The following OR52N4 variants were observed in gnomAD, a reference collection of about 807,000 sequenced individuals.
OR52N4 encodes the protein olfactory receptor 52N4.
In OR52N4, 15 loss-of-function variants were observed where a neutral mutation model predicts 15.0. The ratio of observed to expected loss-of-function variants is 1.00; its 90% CI spans 0.67 to 1.54. OR52N4 has a LOEUF of 1.54. Ranked by LOEUF, OR52N4 falls within the 40% of genes most tolerant of loss-of-function variation. The pLI, the probability that OR52N4 is intolerant of heterozygous loss-of-function variation, is 0.00. For missense variants in OR52N4, 421 were observed against 394.0 expected (o/e 1.07, Z -0.58); for synonymous variants, 143 against 143.7 (o/e 1.00, Z 0.03).
the OR52N4 span, among the ~76,000 whole-genome samples, chr11:5,740,173 T>G: frequency 4.7e-5 from 6 of 127,458 alleles, 1 homozygote; most frequent in Non-Finnish European, 8.7e-5. Context: ...AATCATACAA[T>G]ACGGGACACA....
At chr11:5,751,611 A>G (rs751802702), upstream of OR52N4, among the ~76,000 whole-genome samples, 8 of 152,130 alleles carry the variant, frequency 5.3e-5, no homozygotes, top group Non-Finnish European at 8.8e-5. Flanking sequence ...TTATCAAAAT[A>G]AAGTGTTTCG....
the OR52N4 span, among the ~76,000 whole-genome samples, chr11:5,742,712 T>C: frequency 2.0e-5 from 3 of 152,136 alleles, no homozygotes; most frequent in Admixed American, 6.5e-5. Context: ...ACCACTCTAC[T>C]GGCCCTACAA....
chr11:5,751,227 T>A (rs1854185420), upstream of OR52N4, among the ~76,000 whole-genome samples: 1 of 152,068 alleles, frequency 6.6e-6, no homozygotes, highest in South Asian at 2.1e-4. Flanking sequence ...CCTTTGTGTA[T>A]AATTTTCATT....
In OR52N4 at chr11:5,755,304, A is replaced by C. The variant is rs751042801; in HGVS notation, c.564A>C (p.Lys188Asn). Reference protein sequence around the residue: ...HTYCDHMSVAKLSCGNVKVNA... With the variant: ...HTYCDHMSVANLSCGNVKVNA... ...ACTGTGACCACATGTCTGTAGCCAA[A>C]TTGTCCTGTGGTAATGTCAAGGTCA... The change falls in exon 2 of 2, where the codon AAA (lysine) becomes AAC (asparagine). Residue 188 changes from lysine (K) to asparagine (N), a missense_variant. Coordinates refer to ENST00000641350, the MANE Select transcript of OR52N4 (RefSeq NM_001005175.5). 10 of 1,613,778 alleles carry C rather than the reference A, an allele frequency of 6.2e-6. No homozygotes were observed. The East Asian group carries it at 2.0e-4, about 32-fold the overall frequency.
chr11:5,755,391 C>T lies in OR52N4; in HGVS notation c.651C>T (p.Thr217=). The T allele has an allele frequency of 6.2e-7, 1 of 1,614,016 alleles. No homozygotes were observed. The highest frequency in any genetic ancestry group is 2.2e-5 in the East Asian group (1 of 44,848). The change falls in exon 2 of 2, where the codon ACC becomes ACT. Residue 217 remains threonine, a synonymous_variant. Coordinates refer to ENST00000641350, the MANE Select transcript of OR52N4 (RefSeq NM_001005175.5). ...GGGGCTTTGACATACTGTGTATCAC[C>T]AACTCCTATACCATGATTCTCCGGG... ...LIWGFDILCI[T]NSYTMILRAV...
chr11:5,736,370 A>G, the OR52N4 span: 7 of 688,680 alleles, frequency 1.0e-5, no homozygotes, highest in East Asian at 1.8e-4. Flanking sequence ...ATAAATATGA[A>G]GAAAACAAGC....
the OR52N4 span, chr11:5,737,822 A>C: frequency 5.1e-6 from 1 of 195,764 alleles, no homozygotes; most frequent in Non-Finnish European, 1.1e-5. Context: ...CATACATTCA[A>C]TCAGACAAAT....
At chr11:5,736,124 T>C in the OR52N4 span, 1 of 206,424 alleles carries the variant, frequency 4.8e-6, no homozygotes, top group African/African-American at 2.4e-5. Flanking sequence ...TCCTCAGAAG[T>C]GCATACAAAA....
At chr11:5,745,226 G>C in the OR52N4 span, among the ~76,000 whole-genome samples, 1 of 151,998 alleles carries the variant, frequency 6.6e-6, no homozygotes, top group Non-Finnish European at 1.5e-5. Flanking sequence ...TAAATAAAAG[G>C]CATCCAAATT....
In OR52N4 at chr11:5,755,204, T is replaced by C; in HGVS notation, c.464T>C (p.Val155Ala). 6.2e-7 allele frequency: 1 copy of C among 1,613,866 alleles called. No individual in the cohort carries two copies. ...GGGACTGCCACCTTCCTGAGAGGGG[T>C]ATTACTCATTATTCCCTTTACTTTC... ...KVGTATFLRGVLLIIPFTFLT... is the reference protein window; with the variant it reads ...KVGTATFLRGALLIIPFTFLT... Residue 155 changes from valine (V) to alanine (A), a missense_variant, in exon 2 of 2, where the codon GTA (valine) becomes GCA (alanine). Transcript: ENST00000641350.
upstream of OR52N4, among the ~76,000 whole-genome samples, chr11:5,753,216 AATTTAC>A (rs1417369926): frequency 6.6e-6 from 1 of 152,178 alleles, no homozygotes; most frequent in Non-Finnish European, 1.5e-5. Flanking sequence ...GAGTTGTTCT[AATTTAC>A]ATGTCTACCA....
chr11:5,738,791 A>G, the OR52N4 span, among the ~76,000 whole-genome samples: 21 of 152,290 alleles, frequency 1.4e-4, no homozygotes, highest in South Asian at 4.4e-3. Context: ...AGTCCTAAAC[A>G]ATGAATGGGC....
upstream of OR52N4, among the ~76,000 whole-genome samples, chr11:5,749,558 A>T (rs1387749583): frequency 6.6e-6 from 1 of 151,954 alleles, no homozygotes; most frequent in African/African-American, 2.4e-5. Flanking sequence ...TAGCTAGAGA[A>T]TATTTACCCA....
chr11:5,736,532 G>C, the OR52N4 span: 1 of 1,613,466 alleles, frequency 6.2e-7, no homozygotes, highest in Non-Finnish European at 8.5e-7. Context: ...TCATATGTCT[G>C]CATCTCTCAA....
chr11:5,737,672 C>T, the OR52N4 span: 1 of 516,886 alleles, frequency 1.9e-6, no homozygotes, highest in Non-Finnish European at 3.2e-6. Context: ...TTGACAAAAG[C>T]TAAATATTTA....
Position 5,755,380 on chromosome 11 carries a change from C to T in OR52N4, c.640C>T (p.Leu214=). 2.5e-6 allele frequency: 4 copies of T among 1,614,062 alleles called. No homozygotes were observed. The highest frequency in any genetic ancestry group is 3.4e-6 in the Non-Finnish European group (4 of 1,179,998). Residue 214 remains leucine (L), a synonymous_variant, in exon 2 of 2, where the codon CTG becomes TTG. Coordinates refer to ENST00000641350, the MANE Select transcript of OR52N4 (RefSeq NM_001005175.5). ...VALLIWGFDI[L]CITNSYTMIL... ...CCTCCTGATTTGGGGCTTTGACATA[C>T]TGTGTATCACCAACTCCTATACCAT...
chr11:5,751,452 C>G (rs1192011811), upstream of OR52N4, among the ~76,000 whole-genome samples: 1 of 151,450 alleles, frequency 6.6e-6, no homozygotes, highest in East Asian at 1.9e-4. Context: ...AAAACTTTCT[C>G]TTTTTTTTCC....
the OR52N4 span, among the ~76,000 whole-genome samples, chr11:5,748,622 C>T: frequency 6.6e-6 from 1 of 151,756 alleles, no homozygotes; most frequent in South Asian, 2.1e-4. Context: ...TAGTTCCCAG[C>T]CTGCTGTGGA....
the OR52N4 span, chr11:5,738,499 C>G: frequency 6.6e-6 from 1 of 151,922 alleles, no homozygotes; most frequent in Non-Finnish European, 1.5e-5. Context: ...TCAATACCAA[C>G]TTCATTAAAT....
Sources: allele counts gnomAD v4.1 joint callset (sites outside exome capture counted in the v4.1 genomes callset), GRCh38; gene constraint gnomAD v4.1.1; transcripts MANE v1.5; gene names NCBI Gene and HGNC (gene_info 2026-07-23, HGNC 2026-07-21).